Variants in MEGF6 observed in about 807,000 individuals in gnomAD.
The protein encoded by MEGF6 is multiple epidermal growth factor-like domains protein 6.
Under a neutral mutation model 207.1 loss-of-function variants are expected in MEGF6, and 184 were observed. The observed-to-expected ratio is 0.89, with a 90% CI of 0.79 to 1.00. The LOEUF (loss-of-function observed/expected upper bound fraction) is 1.00. Ranked by LOEUF, MEGF6 falls within the 50% of genes least tolerant of loss-of-function variation. The pLI, the probability that MEGF6 is intolerant of heterozygous loss-of-function variation, is 0.00. For missense variants in MEGF6, 2,282 were observed against 2,202.9 expected (o/e 1.04, Z -0.72); for synonymous variants, 1,038 against 910.0 (o/e 1.14, Z -2.53).
At chr1:3,522,391 G>A (rs1421914333) in intron 5 of MEGF6, among the ~76,000 whole-genome samples, 3 of 152,156 alleles carry the variant, frequency 2.0e-5, no homozygotes, top group South Asian at 2.1e-4. Context: ...GAGGGGCCCC[G>A]AGGTCCCAGG....
chr1:3,522,772 T>C (rs534447025), intron 5 of MEGF6, among the ~76,000 whole-genome samples: 13 of 152,186 alleles, frequency 8.5e-5, no homozygotes, highest in African/African-American at 3.1e-4. Flanking sequence ...GAGGCCCCAC[T>C]GGGCTGACAC....
the MEGF6 span, among the ~76,000 whole-genome samples, chr1:3,620,691 G>A: frequency 6.6e-6 from 1 of 152,224 alleles, no homozygotes; most frequent in Non-Finnish European, 1.5e-5. Context: ...TTCTCCCCAT[G>A]TGCAGAGATG....
Position 3,500,734 on chromosome 1 carries a change from C to A in MEGF6, c.2606G>T (p.Cys869Phe). 6.2e-7 allele frequency: 1 copy of A among 1,601,444 alleles called. No homozygotes were observed. The highest frequency in any genetic ancestry group is 8.5e-7 in the Non-Finnish European group (1 of 1,174,578). The change falls in exon 21 of 37, where the codon TGC (cysteine) becomes TTC (phenylalanine). Residue 869 changes from cysteine to phenylalanine, a missense_variant. Physicochemically the swap from Cys to Phe is radical, Grantham distance 205. Coordinates refer to ENST00000356575, the MANE Select transcript of MEGF6 (RefSeq NM_001409.4). ...ACDTGHWGPDCSHPCNCSAGH... is the reference protein window; with the variant it reads ...ACDTGHWGPDFSHPCNCSAGH... ...AGCGCTGCAGTTGCAGGGGTGGCTGCAGTCAGGTCCCCAGTGCCCAGTATC... is the reference window on the plus strand; with the variant it reads ...AGCGCTGCAGTTGCAGGGGTGGCTGAAGTCAGGTCCCCAGTGCCCAGTATC...
intron 5 of MEGF6, among the ~76,000 whole-genome samples, chr1:3,520,213 T>A (rs909538559): frequency 1.3e-5 from 2 of 152,176 alleles, no homozygotes; most frequent in Non-Finnish European, 2.9e-5. Context: ...GGAACAGCCA[T>A]GTCCAAGGCT....
chr1:3,617,333 C>T, the MEGF6 span, among the ~76,000 whole-genome samples: 4 of 136,356 alleles, frequency 2.9e-5, no homozygotes, highest in South Asian at 5.3e-4. Flanking sequence ...CCTCCAAAGA[C>T]GTTGGCCCAC....
chr1:3,555,376 C>G (rs1463246907), intron 4 of MEGF6, among the ~76,000 whole-genome samples: 1 of 152,162 alleles, frequency 6.6e-6, no homozygotes, highest in South Asian at 2.1e-4. Context: ...GGCCTCAGGC[C>G]GCTGGGTGTG....
At chr1:3,553,230 C>G (rs1349254501) in intron 4 of MEGF6, among the ~76,000 whole-genome samples, 1 of 151,130 alleles carries the variant, frequency 6.6e-6, no homozygotes, top group Non-Finnish European at 1.5e-5. Context: ...GGATCCACGG[C>G]CGATCGGCTT....
At chr1:3,549,098 C>T (rs1364032684) in intron 4 of MEGF6, among the ~76,000 whole-genome samples, 5 of 152,216 alleles carry the variant, frequency 3.3e-5, no homozygotes, top group South Asian at 2.1e-4. Flanking sequence ...TCTAACATCC[C>T]CGTGGCTCCG....
chr1:3,496,683 A>C lies in MEGF6; in HGVS notation c.3714T>G (p.Thr1238=). 1 of 1,569,052 alleles carries C rather than the reference A, an allele frequency of 6.4e-7. No individual in the cohort carries two copies. ...DAATGACRCP[T]GFLGTDCNLT... ...GGTTGCAGTCCGTCCCGAGGAACCC[A>C]GTGGGGCAGCGGCAGGCCCCCGTGG... The change falls in exon 29 of 37, where the codon ACT becomes ACG. Residue 1238 remains threonine (T), a synonymous_variant. Transcript: ENST00000356575.
At chr1:3,543,917 C>T (rs1642613970) in intron 4 of MEGF6, among the ~76,000 whole-genome samples, 2 of 152,232 alleles carry the variant, frequency 1.3e-5, no homozygotes, top group African/African-American at 2.4e-5. Flanking sequence ...CAGCCCGCGT[C>T]AGCCCTGGAG....
chr1:3,616,106 C>A (rs959403442), upstream of MEGF6, among the ~76,000 whole-genome samples: 1 of 152,182 alleles, frequency 6.6e-6, no homozygotes, highest in South Asian at 2.1e-4. Flanking sequence ...GTGGATAACT[C>A]AAGGTGCTAA....
In MEGF6 at chr1:3,492,778, G is replaced by C; in HGVS notation, c.4388-11C>G. On this transcript the variant is annotated splice_polypyrimidine_tract_variant and intron_variant, in intron 34 of 36. Transcript: ENST00000356575. ...GGCCCCTTCTGCAATCTGCAAGGCG[G>C]AGGGGGCGGGAGACAAACCTGAGCA... 6.2e-7 allele frequency: 1 copy of C among 1,603,720 alleles called. No homozygotes were observed. The highest frequency in any genetic ancestry group is 8.5e-7 in the Non-Finnish European group (1 of 1,173,160).
intron 4 of MEGF6, chr1:3,531,152 G>A (rs1642149738): frequency 6.5e-7 from 1 of 1,527,326 alleles, no homozygotes. Flanking sequence ...CCCCTCCAGA[G>A]GTAGCGGTAG....
intron 6 of MEGF6, among the ~76,000 whole-genome samples, chr1:3,515,201 G>A (rs1238501881): frequency 1.3e-5 from 2 of 152,222 alleles, no homozygotes; most frequent in African/African-American, 2.4e-5. Context: ...CTCCTCCCAA[G>A]GGCAGCAAGC....
chr1:3,621,224 G>T, the MEGF6 span, among the ~76,000 whole-genome samples: 2 of 152,192 alleles, frequency 1.3e-5, no homozygotes, highest in African/African-American at 2.4e-5. Flanking sequence ...TCCTTTTCCT[G>T]GTCTGCTCAG....
At chr1:3,511,515 T>G (rs367723602) in intron 9 of MEGF6, 35 bp downstream of exon 9, 1 of 1,574,572 alleles carries the variant, frequency 6.4e-7, no homozygotes, top group South Asian at 1.1e-5. Context: ...GTCCCTGGAG[T>G]GGGGTGCAGG....
At chr1:3,569,606 T>G (rs2101686435) in intron 4 of MEGF6, among the ~76,000 whole-genome samples, 1 of 152,288 alleles carries the variant, frequency 6.6e-6, no homozygotes, top group South Asian at 2.1e-4. Flanking sequence ...TCCAGGAGAC[T>G]GGGGGGCCAC....
At chr1:3,493,123 T>C (rs771811791) in intron 34 of MEGF6, 44 of 305,682 alleles carry the variant, frequency 1.4e-4, no homozygotes, top group Non-Finnish European at 2.2e-4. Context: ...CAAGGCCAGG[T>C]AAGCAGCCCC....
chr1:3,587,576 AG>A (rs1643909840), intron 3 of MEGF6, among the ~76,000 whole-genome samples: 3 of 152,220 alleles, frequency 2.0e-5, no homozygotes, highest in African/African-American at 7.2e-5. Flanking sequence ...CTGACTACAG[AG>A]TGAACCGGAA....
Sources: allele counts gnomAD v4.1 joint callset (sites outside exome capture counted in the v4.1 genomes callset), GRCh38; gene constraint gnomAD v4.1.1; transcripts MANE v1.5; gene names NCBI Gene and HGNC (gene_info 2026-07-23, HGNC 2026-07-21).